Variants in HRH1 observed in about 807,000 individuals in gnomAD.
HRH1 encodes the protein histamine H1 receptor.
In HRH1, 6 loss-of-function variants were observed where a neutral mutation model predicts 10.3. The observed-to-expected ratio is 0.58, with a 90% CI of 0.32 to 1.15. The LOEUF is 1.15. Ranked by LOEUF, HRH1 falls within the 50% of genes most tolerant of loss-of-function variation. The probability of loss-of-function intolerance (pLI) is 0.05; values close to 1 mark genes in which losing one functional copy is unlikely to be tolerated. For synonymous variants in HRH1, 242 were observed against 236.7 expected (o/e 1.02, Z -0.21); for missense variants, 514 against 615.3 (o/e 0.84, Z 1.74).
intron 1 of HRH1, among the ~76,000 whole-genome samples, chr3:11,220,860 A>G (rs1051216903): frequency 2.0e-5 from 3 of 152,096 alleles, no homozygotes; most frequent in East Asian, 1.9e-4. Context: ...TGATTGTTCT[A>G]TGTCAATAAC....
At position 11,204,949 on chromosome 3, in the gene HRH1, G is replaced by A. The variant is rs555774245; in HGVS notation, c.-36+50395G>A. On this transcript the variant is annotated intron_variant, in intron 1 of 1. Coordinates refer to ENST00000431010, the MANE Select transcript of HRH1 (RefSeq NM_001098212.2). Reference sequence around the variant, plus strand: ...CCAACCAGGCTCCCTCCAGCCCCACGTTTTTGGCTTCTGGCCTGTCTCTGT... The same window carrying A: ...CCAACCAGGCTCCCTCCAGCCCCACATTTTTGGCTTCTGGCCTGTCTCTGT... 2.2e-4 allele frequency among the ~76,000 whole-genome samples: 33 copies of A among 152,240 alleles called. 1 individual carries two copies. The South Asian group carries it at 6.2e-3, about 29-fold the overall frequency.
intron 1 of HRH1, among the ~76,000 whole-genome samples, chr3:11,251,994 A>C (rs1309511209): frequency 6.6e-6 from 1 of 152,216 alleles, no homozygotes; most frequent in Non-Finnish European, 1.5e-5. Flanking sequence ...TCCCAAGGCT[A>C]CGCCCTTGTT....
intron 1 of HRH1, among the ~76,000 whole-genome samples, chr3:11,237,880 A>G (rs113658717): frequency 0.017 from 2,612 of 151,676 alleles, 83 homozygotes; most frequent in African/African-American, 0.057. Flanking sequence ...GTTTCACCAT[A>G]TTGGCCAGGG....
intron 1 of HRH1, among the ~76,000 whole-genome samples, chr3:11,156,776 T>C (rs1936811821): frequency 6.6e-6 from 1 of 152,236 alleles, no homozygotes; most frequent in Non-Finnish European, 1.5e-5. Context: ...TCCATTGTTG[T>C]TGTTGCTATT....
In HRH1 at chr3:11,259,081, G is replaced by A. The variant is rs1939861627; in HGVS notation, c.44G>A (p.Cys15Tyr). The change falls in exon 2 of 2, where the codon TGT becomes TAT. Residue 15 changes from cysteine (C) to tyrosine (Y), a missense_variant. Coordinates refer to ENST00000431010, the MANE Select transcript of HRH1 (RefSeq NM_001098212.2). This position sits in a 1 kb window ranked among gnomAD's most constrained non-coding sequence, Gnocchi z 4.6. ...TCCTGCCTCTTAGAAGACAAGATGT[G>A]TGAGGGCAACAAGACCACTATGGCC... ...NSSCLLEDKM[C>Y]EGNKTTMASP... 5 of 1,611,998 alleles carry A rather than the reference G, an allele frequency of 3.1e-6. No individual in the cohort carries two copies. In the South Asian group the frequency reaches 4.4e-5, roughly 14 times the overall value.
At chr3:11,187,339 T>A (rs1213440056) in intron 1 of HRH1, among the ~76,000 whole-genome samples, 1 of 152,018 alleles carries the variant, frequency 6.6e-6, no homozygotes, top group African/African-American at 2.4e-5. Flanking sequence ...CAGCTGAAAA[T>A]CTGTCCGTAA....
intron 1 of HRH1, 62 bp from the exon 2 acceptor site, chr3:11,258,941 G>A: frequency 1.7e-6 from 2 of 1,172,310 alleles, no homozygotes; most frequent in Admixed American, 2.5e-5. Context: ...TGAACATCAT[G>A]CTACTAAGTG....
At chr3:11,232,229 A>G (rs1454610227) in intron 1 of HRH1, among the ~76,000 whole-genome samples, 1 of 152,058 alleles carries the variant, frequency 6.6e-6, no homozygotes, top group Non-Finnish European at 1.5e-5. Context: ...CTCATGATCC[A>G]CTTGCCTCGG....
chr3:11,234,715 G>A, intron 1 of HRH1: 1 of 917,744 alleles, frequency 1.1e-6, no homozygotes, highest in East Asian at 2.4e-5. Flanking sequence ...TGCAGAAGTG[G>A]CGGTGGCAGC....
chr3:11,175,214 G>A (rs1338136044), intron 1 of HRH1, among the ~76,000 whole-genome samples: 3 of 152,222 alleles, frequency 2.0e-5, no homozygotes, highest in Admixed American at 6.5e-5. Flanking sequence ...CTTAACTTGT[G>A]CCATTAAACC....
intron 1 of HRH1, among the ~76,000 whole-genome samples, chr3:11,206,826 G>A (rs371426419): frequency 2.0e-5 from 3 of 152,166 alleles, no homozygotes; most frequent in African/African-American, 4.8e-5. Context: ...AGAGACCACC[G>A]TCTGCACCCT....
chr3:11,260,778 A>C lies in HRH1; in HGVS notation c.*277A>C. The C allele has an allele frequency of 2.6e-6, 1 of 391,348 alleles. No homozygotes were observed. Among genetic ancestry groups the C allele is most frequent in the Non-Finnish European group, 4.8e-6 (1 of 210,494 alleles). The allele number at this position is 391,348 out of a possible 1,614,324, so 24.2% of individuals were successfully genotyped here. ...GGGTTCAAAAAGAAAAAAATAATAA[A>C]AATAAAAGAGAGAGAGAATCAGACC... On this transcript the variant is annotated 3_prime_UTR_variant, in exon 2 of 2. Transcript: ENST00000431010.
At chr3:11,144,820 G>A (rs1231555512) in intron 1 of HRH1, among the ~76,000 whole-genome samples, 16 of 151,854 alleles carry the variant, frequency 1.1e-4, no homozygotes, top group Non-Finnish European at 1.0e-4. Flanking sequence ...GCAGTGAGCC[G>A]AGATCACGCC....
At chr3:11,187,010 A>T (rs971330503) in intron 1 of HRH1, among the ~76,000 whole-genome samples, 1 of 152,178 alleles carries the variant, frequency 6.6e-6, no homozygotes, top group Non-Finnish European at 1.5e-5. Flanking sequence ...AATTTAAATT[A>T]AAAAAGATAA....
intron 1 of HRH1, among the ~76,000 whole-genome samples, chr3:11,138,175 T>C (rs1936218731): frequency 8.4e-6 from 1 of 119,234 alleles, no homozygotes; most frequent in Non-Finnish European, 1.7e-5. Flanking sequence ...GCACCACGTT[T>C]GGCTATTTTT....
At chr3:11,151,544 G>A (rs1936625274), upstream of HRH1, among the ~76,000 whole-genome samples, 1 of 152,108 alleles carries the variant, frequency 6.6e-6, no homozygotes, top group Non-Finnish European at 1.5e-5. Flanking sequence ...TGTGGTCCAG[G>A]CTGAAATGAA....
At chr3:11,257,158 C>G (rs974951553) in intron 1 of HRH1, among the ~76,000 whole-genome samples, 2 of 149,736 alleles carry the variant, frequency 1.3e-5, no homozygotes, top group Admixed American at 6.7e-5. Context: ...GAGGCTAAGG[C>G]ATGAGAATCA....
At chr3:11,245,532 G>GT (rs1363032412) in intron 1 of HRH1, among the ~76,000 whole-genome samples, 2 of 152,266 alleles carry the variant, frequency 1.3e-5, no homozygotes, top group Admixed American at 6.5e-5. Context: ...TAACTGATGT[G>GT]TGAGAAGCTT....
In HRH1 at chr3:11,173,527, G is replaced by A. The variant is rs571935772; in HGVS notation, c.-36+18973G>A. ...ATGCCATTCTCTTGCCTCAGCCTCCGAGTAGCTGGGACTACAGGCACCCGC... is the reference window on the plus strand; with the variant it reads ...ATGCCATTCTCTTGCCTCAGCCTCCAAGTAGCTGGGACTACAGGCACCCGC... On this transcript the variant is annotated intron_variant, in intron 1 of 1. Transcript: ENST00000431010. Among the ~76,000 whole-genome samples the A allele has an allele frequency of 4.2e-3, 629 of 151,542 alleles. 5 individuals are homozygous for A. The highest frequency in any genetic ancestry group is 6.7e-3 in the Non-Finnish European group (453 of 67,864).
Sources: allele counts gnomAD v4.1 joint callset (sites outside exome capture counted in the v4.1 genomes callset), GRCh38; gene constraint gnomAD v4.1.1; non-coding constraint Gnocchi (gnomAD v3.1); transcripts MANE v1.5; gene names NCBI Gene and HGNC (gene_info 2026-07-23, HGNC 2026-07-21).